The following RBMX2 variants were observed in gnomAD, a reference collection of about 807,000 sequenced individuals.
RBMX2 encodes RNA-binding motif protein, X-linked 2.
For synonymous variants in RBMX2, 77 were observed against 94.3 expected, an observed-to-expected ratio of 0.82 and a Z score of 1.07; for missense variants, 191 against 256.0, an observed-to-expected ratio of 0.75 and a Z score of 1.73.
At chrX:130,402,193 C>A in intron 1 of RBMX2, 62 bp from the exon 2 acceptor site, 1 of 1,175,175 alleles carries the variant, frequency 8.5e-7, no homozygotes, top group Non-Finnish European at 1.1e-6. Context: ...CAGCTCCGGC[C>A]GGTTCGCACT....
chrX:130,404,900 A>G (rs1031732886), intron 3 of RBMX2, among the ~76,000 whole-genome samples: 7 of 112,840 alleles, frequency 6.2e-5, no homozygotes, highest in African/African-American at 2.3e-4. Context: ...GGTGCAGCCT[A>G]TAATTTCTAC....
At chrX:130,409,529 C>A in intron 4 of RBMX2, 143 bp downstream of exon 4, 1 of 586,109 alleles carries the variant, frequency 1.7e-6, no homozygotes, top group South Asian at 5.0e-5. Context: ...AGACACTGGT[C>A]AAGAAGAGAT....
rs757930091 is a variant in RBMX2, at chrX:130,411,497, T to C, written c.453T>C (p.Asp151=). ...CAAGTTTGTCTGAGAGCTCTGAAGA[T>C]GAAAAACCAACAAAAAAGCACAAAA... The part of the protein sequence containing the change: ...PSPSLSESSE[D]EKPTKKHKKD... Residue 151 remains aspartate (D), a synonymous_variant, in exon 5 of 6, where the codon GAT becomes GAC. Transcript: ENST00000305536. The C allele has an allele frequency of 3.3e-6, 4 of 1,195,546 alleles. No individual in the cohort carries two copies. The highest frequency in any genetic ancestry group is 4.5e-6 in the Non-Finnish European group (4 of 889,791).
chrX:130,412,303 G>A, intron 5 of RBMX2, 58 bp from the exon 6 acceptor site: 3 of 1,066,746 alleles, frequency 2.8e-6, no homozygotes, highest in Non-Finnish European at 3.7e-6. Context: ...TTTTTTTAAG[G>A]GAGTTCTTTT....
At chrX:130,402,493 G>A in intron 2 of RBMX2, 123 bp downstream of exon 2, 2 of 1,064,248 alleles carry the variant, frequency 1.9e-6, no homozygotes. Flanking sequence ...TCCATCTGCT[G>A]TCTGCCCGGG....
rs1297579804 is a variant in RBMX2, at chrX:130,405,999, C to T, written c.173+2146C>T. Among the ~76,000 whole-genome samples, 8 of 78,832 alleles carry T rather than the reference C, an allele frequency of 1.0e-4. 1 individual carries two copies. The highest frequency in any genetic ancestry group is 3.7e-4 in the East Asian group (1 of 2,735). The allele number at this position is 78,832 out of a possible 115,157, so 68.5% of individuals were successfully genotyped here. On this transcript the variant is annotated intron_variant, in intron 3 of 5. Coordinates refer to ENST00000305536, the MANE Select transcript of RBMX2 (RefSeq NM_016024.4). ...CCTCCCAAGTAGCTGGGACTACAGG[C>T]GCCCGCCACTACGCCCGGCTAATTT...
intron 1 of RBMX2, 43 bp downstream of exon 1, chrX:130,402,080 T>TG (rs1263937090): frequency 8.4e-7 from 1 of 1,190,920 alleles, no homozygotes; most frequent in Admixed American, 2.3e-5. Flanking sequence ...AGCGGGCCAC[T>TG]GGGGGTGGTC....
rs748760126 is a variant in RBMX2 at position 130,403,880 on chromosome X, C to T, written c.173+27C>T. The T allele has an allele frequency of 4.2e-6, 5 of 1,187,084 alleles. No homozygotes were observed. In the South Asian group the frequency reaches 7.1e-5, roughly 17 times the overall value. On this transcript the variant is annotated intron_variant, in intron 3 of 5. Transcript: ENST00000305536. ...TAAGTGTCCTTTCATTTCCTGCCTC[C>T]TGAGTCGACAGAGTACTTTGTTTCT...
chrX:130,411,351 A>G lies in RBMX2; in HGVS notation c.307A>G (p.Lys103Glu). The change falls in exon 5 of 6, where the codon AAA (lysine) becomes GAA (glutamate). Residue 103 changes from lysine (K) to glutamate (E), a missense_variant. By Grantham distance (56) the Lys-to-Glu change is moderately conservative. Transcript: ENST00000305536. ...AAGCATCGCCTGTCTTGCTTAGATC[A>G]AAGGAAGAACTATCCGAGTGGATCA... Reference protein sequence around the residue: ...AVDNFNGIKIKGRTIRVDHVS... With the variant: ...AVDNFNGIKIEGRTIRVDHVS... 1.7e-6 allele frequency: 2 copies of G among 1,181,597 alleles called. No individual in the cohort carries two copies. Among genetic ancestry groups the G allele is most frequent in the Non-Finnish European group, 2.3e-6 (2 of 881,257 alleles).
In RBMX2 at chrX:130,409,309, T is replaced by A; in HGVS notation, c.226T>A (p.Ser76Thr). ...NLVRDKKTGK[S>T]KGFCFLCYED... ...CGTGCGGGACAAGAAAACTGGGAAA[T>A]CCAAAGGATTCTGTTTCCTCTGCTA... The change falls in exon 4 of 6, where the codon TCC becomes ACC. Residue 76 changes from serine to threonine, a missense_variant. Transcript: ENST00000305536. 1 of 1,205,967 alleles carries A rather than the reference T, an allele frequency of 8.3e-7. No individual in the cohort carries two copies. The highest frequency in any genetic ancestry group is 1.1e-6 in the Non-Finnish European group (1 of 890,722).
chrX:130,404,038 T>A, intron 3 of RBMX2, 185 bp downstream of exon 3: 1 of 431,910 alleles, frequency 2.3e-6, no homozygotes, highest in Non-Finnish European at 4.1e-6. Context: ...CTGTGGGAGA[T>A]CCAAGAGGTT....
chrX:130,408,631 G>GT (rs1166514446), intron 3 of RBMX2, among the ~76,000 whole-genome samples: 1 of 110,823 alleles, frequency 9.0e-6, no homozygotes, highest in Non-Finnish European at 1.9e-5. Flanking sequence ...GGTCTGTTCT[G>GT]TTTTTTGTAG....
In RBMX2 at chrX:130,402,366, C is replaced by T. The variant is rs748818764; in HGVS notation, c.117C>T (p.Phe39=). Reference sequence around the variant, plus strand: ...AGTACAAGGACAGCGCCTGGATCTTCCTGGGTGAGGTCCACATCTTTCTTC... The same window carrying T: ...AGTACAAGGACAGCGCCTGGATCTTTCTGGGTGAGGTCCACATCTTTCTTC... The part of the protein sequence containing the change: ...HSEYKDSAWI[F]LGGLPYELTE... Residue 39 remains phenylalanine, a synonymous_variant, in exon 2 of 6, where the codon TTC becomes TTT. Transcript: ENST00000305536. 4.6e-5 allele frequency: 55 copies of T among 1,205,096 alleles called. No individual in the cohort carries two copies. In the African/African-American group the frequency reaches 8.7e-4, roughly 19 times the overall value.
intron 5 of RBMX2, 50 bp from the exon 6 acceptor site, chrX:130,412,311 T>G: frequency 9.2e-7 from 1 of 1,082,845 alleles, no homozygotes; most frequent in South Asian, 2.6e-5. Context: ...AGGGAGTTCT[T>G]TTATTTTTTT....
chrX:130,405,260 T>C (rs1319935288), intron 3 of RBMX2, among the ~76,000 whole-genome samples: 1 of 109,351 alleles, frequency 9.1e-6, no homozygotes, highest in Non-Finnish European at 1.9e-5. Flanking sequence ...GCGCCTGTAA[T>C]CCCAGCTACT....
At chrX:130,403,991 G>C (rs1337917128) in intron 3 of RBMX2, 138 bp downstream of exon 3, 1 of 586,570 alleles carries the variant, frequency 1.7e-6, no homozygotes, top group Non-Finnish European at 2.9e-6. Context: ...TGGAGCTTCT[G>C]TTCTAGATCA....
intron 2 of RBMX2, among the ~76,000 whole-genome samples, chrX:130,403,267 G>A (rs546841722): frequency 2.7e-5 from 3 of 112,615 alleles, no homozygotes; most frequent in Non-Finnish European, 5.6e-5. Context: ...GATTAGTTTC[G>A]TTAGTGGTGA....
intron 3 of RBMX2, 68 bp downstream of exon 3, chrX:130,403,921 G>C: frequency 9.2e-7 from 1 of 1,088,952 alleles, no homozygotes; most frequent in Non-Finnish European, 1.3e-6. Context: ...ACATTTTGTG[G>C]CATCACAAAA....
At chrX:130,402,224 T>TTGCCGCCC in intron 1 of RBMX2, 31 bp from the exon 2 acceptor site, 1 of 1,174,325 alleles carries the variant, frequency 8.5e-7, no homozygotes, top group Non-Finnish European at 1.1e-6. Flanking sequence ...CTTTTCTGCC[T>TTGCCGCCC]ACCCTCCCCA....
Sources: gnomAD v4.1 joint callset for allele counts (sites outside exome capture counted in the v4.1 genomes callset) on GRCh38, gnomAD v4.1.1 for gene constraint, MANE v1.5 for transcripts, NCBI Gene and HGNC (gene_info 2026-07-23, HGNC 2026-07-21) for gene names.